Variants in MCC observed in about 807,000 individuals in gnomAD.
The protein encoded by MCC is MCC regulator of Wnt signaling pathway.
Under a neutral mutation model 116.2 loss-of-function variants are expected in MCC, and 90 were observed. The observed-to-expected ratio is 0.77, with a 90% confidence interval of 0.65 to 0.92. The LOEUF is 0.92. Ranked by LOEUF, MCC falls within the 40% of genes least tolerant of loss-of-function variation. MCC has a pLI of 0.00. For missense variants in MCC, 1,516 were observed against 1,312.2 expected (o/e 1.16, Z -2.40); for synonymous variants, 578 against 510.5 (o/e 1.13, Z -1.78).
chr5:113,247,673 C>G (rs1220747177), intron 3 of MCC, among the ~76,000 whole-genome samples: 2 of 151,984 alleles, frequency 1.3e-5, no homozygotes, highest in Non-Finnish European at 2.9e-5. Context: ...GTGATGGGGA[C>G]CGGTCCACAG....
intron 2 of MCC, among the ~76,000 whole-genome samples, chr5:113,363,407 G>A (rs1355799008): frequency 6.6e-6 from 1 of 152,224 alleles, no homozygotes; most frequent in Admixed American, 6.5e-5. Context: ...GGCTTCTGGG[G>A]AGGCCTCAGT....
At chr5:113,411,005 A>G (rs1303097987) in intron 1 of MCC, among the ~76,000 whole-genome samples, 1 of 152,144 alleles carries the variant, frequency 6.6e-6, no homozygotes, top group Non-Finnish European at 1.5e-5. Context: ...CCAGTCTATC[A>G]TTGATGGACA....
intron 3 of MCC, among the ~76,000 whole-genome samples, chr5:113,187,754 C>CAAA (rs5870533): frequency 1.6e-5 from 2 of 122,988 alleles, no homozygotes; most frequent in Admixed American, 8.1e-5. Context: ...GACTCCAACT[C>CAAA]AAAAAAAAAA....
At chr5:113,350,618 G>A (rs1768245180) in intron 2 of MCC, among the ~76,000 whole-genome samples, 1 of 151,980 alleles carries the variant, frequency 6.6e-6, no homozygotes, top group African/African-American at 2.4e-5. Flanking sequence ...CCAGAACATT[G>A]GTCTGGGCAA....
In MCC at chr5:113,084,140, A is replaced by G. The variant is rs920133147; in HGVS notation, c.1596T>C (p.Ser532=). ...LSKTRSESSS[S]DRPVLGSEIS... ...TTTCTGAGCCCAGGACTGGCCGATC[A>G]GATGATGACGATTCGGACCTTGTCT... Residue 532 remains serine (S), a synonymous_variant, in exon 10 of 19, where the codon TCT becomes TCC. Coordinates refer to ENST00000408903, the MANE Select transcript of MCC (RefSeq NM_001085377.2). The G allele has an allele frequency of 8.7e-6, 14 of 1,614,238 alleles. No individual in the cohort carries two copies. The highest frequency in any genetic ancestry group is 1.7e-5 in the Admixed American group (1 of 60,026).
intron 1 of MCC, among the ~76,000 whole-genome samples, chr5:113,464,022 G>A (rs1382524530): frequency 2.0e-5 from 3 of 152,110 alleles, no homozygotes; most frequent in Non-Finnish European, 4.4e-5. Flanking sequence ...CAGGCAATGG[G>A]CAACACAGTC....
intron 3 of MCC, among the ~76,000 whole-genome samples, chr5:113,188,047 AG>A (rs1761987807): frequency 3.9e-5 from 6 of 152,164 alleles, no homozygotes; most frequent in Admixed American, 3.9e-4. Context: ...GCCATAAATG[AG>A]CCTCTCTCAC....
At chr5:113,177,128 A>G (rs1053469404) in intron 3 of MCC, among the ~76,000 whole-genome samples, 4 of 152,122 alleles carry the variant, frequency 2.6e-5, no homozygotes, top group African/African-American at 7.2e-5. Flanking sequence ...TGGCCTCTGG[A>G]AAGACTTCTT....
chr5:113,393,105 G>A (rs376847342), intron 1 of MCC, among the ~76,000 whole-genome samples: 35 of 152,168 alleles, frequency 2.3e-4, no homozygotes, highest in African/African-American at 7.7e-4. Flanking sequence ...ACAAGGTCAA[G>A]AAGCATAAAT....
At chr5:113,243,556 T>C (rs772357907) in intron 3 of MCC, among the ~76,000 whole-genome samples, 1 of 152,220 alleles carries the variant, frequency 6.6e-6, no homozygotes, top group South Asian at 2.1e-4. Flanking sequence ...ATCTGAGCCA[T>C]GGGCCTCCAC....
At chr5:113,185,232 T>C (rs1409692855) in intron 3 of MCC, among the ~76,000 whole-genome samples, 1 of 151,822 alleles carries the variant, frequency 6.6e-6, no homozygotes, top group Non-Finnish European at 1.5e-5. Flanking sequence ...ATCAGAGGGG[T>C]TGAGAGGGTG....
intron 17 of MCC, among the ~76,000 whole-genome samples, chr5:113,042,065 C>T (rs1751742763): frequency 1.3e-5 from 2 of 151,852 alleles, no homozygotes; most frequent in Admixed American, 1.3e-4. Flanking sequence ...AACACACAAA[C>T]AAGAACCGCT....
At chr5:113,408,595 A>C (rs935628251) in intron 1 of MCC, among the ~76,000 whole-genome samples, 1 of 152,224 alleles carries the variant, frequency 6.6e-6, no homozygotes, top group South Asian at 2.1e-4. Flanking sequence ...CAGCATCAGC[A>C]TGACCTGGGA....
intron 8 of MCC, among the ~76,000 whole-genome samples, chr5:113,099,278 TATA>T (rs1320855803): frequency 6.6e-6 from 1 of 152,166 alleles, no homozygotes; most frequent in Non-Finnish European, 1.5e-5. Flanking sequence ...TGCACAAACT[TATA>T]AAAGGTAACA....
chr5:113,179,304 C>T (rs543472605), intron 3 of MCC, among the ~76,000 whole-genome samples: 1 of 152,278 alleles, frequency 6.6e-6, no homozygotes, highest in South Asian at 2.1e-4. Context: ...ATGGTTCTGA[C>T]AGATGAGGAT....
chr5:113,430,714 G>T (rs1195764806), intron 1 of MCC, among the ~76,000 whole-genome samples: 2 of 152,186 alleles, frequency 1.3e-5, no homozygotes, highest in East Asian at 3.9e-4. Context: ...AAGTTCTGGG[G>T]TCTGGTTGAA....
At chr5:113,171,172 T>C (rs1423855584) in intron 3 of MCC, among the ~76,000 whole-genome samples, 1 of 151,808 alleles carries the variant, frequency 6.6e-6, no homozygotes, top group African/African-American at 2.4e-5. Flanking sequence ...CAAGATAATT[T>C]CCCATCAGAC....
At chr5:113,306,389 G>A (rs1766985390) in intron 3 of MCC, among the ~76,000 whole-genome samples, 2 of 152,080 alleles carry the variant, frequency 1.3e-5, no homozygotes, top group Admixed American at 1.3e-4. Context: ...CCATGTATGA[G>A]GGTTTCAATT....
At chr5:113,069,158 G>A (rs1015943370) in intron 12 of MCC, among the ~76,000 whole-genome samples, 5 of 152,310 alleles carry the variant, frequency 3.3e-5, no homozygotes, top group African/African-American at 1.2e-4. Context: ...ACCATATTGG[G>A]CAGTGCATGT....
Sources: gnomAD v4.1 joint callset for allele counts (sites outside exome capture counted in the v4.1 genomes callset) on GRCh38, gnomAD v4.1.1 for gene constraint, MANE v1.5 for transcripts, NCBI Gene and HGNC (gene_info 2026-07-23, HGNC 2026-07-21) for gene names.